The following SETD5 variants were observed in gnomAD, a reference collection of about 807,000 sequenced individuals.
The protein encoded by SETD5 is histone-lysine N-methyltransferase SETD5.
A neutral mutation model predicts 153.3 loss-of-function variants in SETD5; 44 were observed. The observed-to-expected ratio is 0.29, with a 90% confidence interval of 0.23 to 0.37. The LOEUF is 0.37. Among genes scored for constraint, SETD5 ranks in the 10% least tolerant of loss-of-function variants. The pLI is 1.00. For missense variants in SETD5, 1,544 were observed against 1,768.0 expected, an observed-to-expected ratio of 0.87 and a Z score of 2.27; for synonymous variants, 716 against 645.2, an observed-to-expected ratio of 1.11 and a Z score of -1.66.
chr3:9,430,675 A>G, intron 3 of SETD5: 1 of 302,852 alleles, frequency 3.3e-6, no homozygotes, highest in Non-Finnish European at 4.9e-6. Flanking sequence ...AAATTTCAAC[A>G]AAGAGGTTAA....
At chr3:9,413,629 C>A (rs1276123224) in intron 1 of SETD5, among the ~76,000 whole-genome samples, 1 of 133,518 alleles carries the variant, frequency 7.5e-6, no homozygotes, top group Non-Finnish European at 1.6e-5. Flanking sequence ...ATTCTAGCTT[C>A]TTCGGGTGGG....
rs2042272717 is a variant in SETD5, at chr3:9,448,570, T to C, written c.2286T>C (p.Phe762=). Residue 762 remains phenylalanine (F), a synonymous_variant, in exon 16 of 23, where the codon TTT becomes TTC. Coordinates refer to ENST00000402198, the MANE Select transcript of SETD5 (RefSeq NM_001080517.3). Reference sequence around the variant, plus strand: ...ACTACATTCGCTTTGGCTCACCCTTTATCCCTGAGAGACGTCGAAGGCCCC... The same window carrying C: ...ACTACATTCGCTTTGGCTCACCCTTCATCCCTGAGAGACGTCGAAGGCCCC... ...PKHYIRFGSP[F]IPERRRRPLL... 1 of 1,612,854 alleles carries C rather than the reference T, an allele frequency of 6.2e-7. No individual in the cohort carries two copies. Among genetic ancestry groups the C allele is most frequent in the Admixed American group, 1.7e-5 (1 of 59,942 alleles).
chr3:9,425,098 G>C (rs1430798253), intron 2 of SETD5, among the ~76,000 whole-genome samples: 1 of 75,140 alleles, frequency 1.3e-5, no homozygotes, highest in Admixed American at 2.0e-4. Context: ...TATCATTCTT[G>C]TTGTCCATGT....
intron 1 of SETD5, among the ~76,000 whole-genome samples, chr3:9,406,652 T>C (rs1245104332): frequency 1.3e-5 from 2 of 151,526 alleles, no homozygotes; most frequent in Non-Finnish European, 2.9e-5. Flanking sequence ...TAAGAGCAAG[T>C]CTAAAATTTT....
chr3:9,406,762 G>C (rs1474667945), intron 1 of SETD5, among the ~76,000 whole-genome samples: 3 of 152,062 alleles, frequency 2.0e-5, no homozygotes, highest in Non-Finnish European at 4.4e-5. Context: ...ACAAAATAAG[G>C]GTGGGTTTAC....
rs781291390 is a variant in SETD5 at position 9,447,978 on chromosome 3, C to T, written c.2075C>T (p.Ala692Val). 2.5e-6 allele frequency: 4 copies of T among 1,613,302 alleles called. No homozygotes were observed. The highest frequency in any genetic ancestry group is 1.7e-5 in the Admixed American group (1 of 59,974). Residue 692 changes from alanine to valine, a missense_variant, in exon 15 of 23, where the codon GCT (alanine) becomes GTT (valine). Around this residue, in one of 9 missense-constraint regions of SETD5, gnomAD observed 782 missense variants for 787.2 expected, o/e 0.99. Coordinates refer to ENST00000402198, the MANE Select transcript of SETD5 (RefSeq NM_001080517.3). ...ATTACTGGATCCCATGTCAACCGTGCTGCATCTAAATACCCCAAAACCAAA... is the reference window on the plus strand; with the variant it reads ...ATTACTGGATCCCATGTCAACCGTGTTGCATCTAAATACCCCAAAACCAAA... The part of the protein sequence containing the change: ...VSITGSHVNR[A>V]ASKYPKTKKY...
intron 19 of SETD5, 79 bp from the exon 20 acceptor site, chr3:9,473,157 T>C (rs564725076): frequency 2.7e-6 from 4 of 1,481,758 alleles, no homozygotes; most frequent in East Asian, 2.4e-5. Context: ...CATCTTTCCT[T>C]CTTTCCCTGT....
intron 1 of SETD5, among the ~76,000 whole-genome samples, chr3:9,421,929 C>T (rs1011578157): frequency 1.3e-5 from 2 of 151,842 alleles, no homozygotes; most frequent in Non-Finnish European, 2.9e-5. Flanking sequence ...TTTCATGAAT[C>T]CCAGTTTAAG....
At chr3:9,467,893 G>A (rs1292512716) in intron 18 of SETD5, among the ~76,000 whole-genome samples, 1 of 151,626 alleles carries the variant, frequency 6.6e-6, no homozygotes, top group African/African-American at 2.4e-5. Context: ...ACATTAATAG[G>A]GGTGGCTCAG....
chr3:9,441,220 CAGAG>C (rs912413533), intron 8 of SETD5, among the ~76,000 whole-genome samples: 2 of 151,960 alleles, frequency 1.3e-5, no homozygotes, highest in Non-Finnish European at 2.9e-5. Context: ...ATTTAAAAAA[CAGAG>C]AGAGAGATGA....
intron 19 of SETD5, 119 bp from the exon 20 acceptor site, chr3:9,473,117 C>G (rs542894351): frequency 3.0e-5 from 37 of 1,230,434 alleles, no homozygotes; most frequent in Middle Eastern, 5.6e-4. Flanking sequence ...GCTTTGTTTG[C>G]GTGGCTTGGC....
chr3:9,398,437 G>C (rs2034108469), intron 1 of SETD5: 1 of 150,780 alleles, frequency 6.6e-6, no homozygotes. Context: ...TGGGGGCCGC[G>C]ATCTCCCCTC....
chr3:9,402,555 C>G lies in SETD5; in HGVS notation c.-177+4578C>G, dbSNP rs547283732. Among the ~76,000 whole-genome samples the G allele has an allele frequency of 2.6e-5, 4 of 152,160 alleles. No homozygotes were observed. The East Asian group carries it at 7.8e-4, about 29-fold the overall frequency. On this transcript the variant is annotated intron_variant, in intron 1 of 22. Coordinates refer to ENST00000402198, the MANE Select transcript of SETD5 (RefSeq NM_001080517.3). ...AAACACTTAAGTTTTTACATCAGGC[C>G]AGTTTTGCCTGATGCTCATGTCTGT... is the stretch of plus-strand genomic sequence containing the variant.
chr3:9,414,616 C>A (rs1487016468), intron 1 of SETD5, among the ~76,000 whole-genome samples: 1 of 152,060 alleles, frequency 6.6e-6, no homozygotes, highest in East Asian at 1.9e-4. Flanking sequence ...TCCTTAAGGA[C>A]ATAAAATGGA....
chr3:9,465,890 A>G (rs2044497149), intron 18 of SETD5, among the ~76,000 whole-genome samples: 1 of 152,172 alleles, frequency 6.6e-6, no homozygotes, highest in Non-Finnish European at 1.5e-5. Flanking sequence ...CTAGAGCTTT[A>G]TAGTAAGGTA....
intron 1 of SETD5, among the ~76,000 whole-genome samples, chr3:9,422,754 T>C (rs1308065172): frequency 2.6e-5 from 4 of 152,194 alleles, no homozygotes; most frequent in Non-Finnish European, 5.9e-5. Flanking sequence ...GATTTTGGCG[T>C]TCTGTTGGTT....
intron 3 of SETD5, chr3:9,429,905 A>G (rs1191271786): frequency 1.0e-5 from 13 of 1,303,608 alleles, no homozygotes; most frequent in Non-Finnish European, 1.3e-5. Context: ...AAGAGACCCA[A>G]GGGGCCTAGG....
At chr3:9,469,164 C>T (rs183951130) in intron 18 of SETD5, among the ~76,000 whole-genome samples, 3 of 152,234 alleles carry the variant, frequency 2.0e-5, no homozygotes, top group African/African-American at 7.2e-5. Flanking sequence ...CAAGTGAGTC[C>T]CTGGCTTTCT....
chr3:9,429,135 T>C, intron 3 of SETD5, 126 bp downstream of exon 3: 1 of 546,006 alleles, frequency 1.8e-6, no homozygotes, highest in Non-Finnish European at 3.1e-6. Context: ...TAATTAACAT[T>C]AGACCTTTCC....
Sources: gnomAD v4.1 joint callset for allele counts (sites outside exome capture counted in the v4.1 genomes callset) on GRCh38, gnomAD v4.1.1 for gene constraint, gnomAD v4.1.1 regional missense constraint, MANE v1.5 for transcripts, NCBI Gene and HGNC (gene_info 2026-07-23, HGNC 2026-07-21) for gene names.